TRAPPC9: variants seen among roughly 807,000 people sequenced by gnomAD.
TRAPPC9 encodes IKK2 binding protein.
In TRAPPC9, 83 loss-of-function variants were observed where a neutral mutation model predicts 124.0. The ratio of observed to expected loss-of-function variants is 0.67; its 90% CI spans 0.56 to 0.80. The LOEUF (loss-of-function observed/expected upper bound fraction) is 0.80. Ranked by LOEUF, TRAPPC9 falls within the 30% of genes least tolerant of loss-of-function variation. The probability of loss-of-function intolerance (pLI) is 0.00; values close to 1 mark genes in which losing one functional copy is unlikely to be tolerated. For missense variants in TRAPPC9, 1,302 were observed against 1,508.3 expected, an observed-to-expected ratio of 0.86 and a Z score of 2.27; for synonymous variants, 638 against 617.5, an observed-to-expected ratio of 1.03 and a Z score of -0.49.
intron 17 of TRAPPC9, among the ~76,000 whole-genome samples, chr8:140,194,963 A>C (rs1186538518): frequency 1.3e-5 from 2 of 152,026 alleles, no homozygotes; most frequent in Non-Finnish European, 2.9e-5. Context: ...CACTGTACAG[A>C]TCACACCTGT....
chr8:140,043,322 T>A (rs1229970312), intron 17 of TRAPPC9, among the ~76,000 whole-genome samples: 1 of 152,242 alleles, frequency 6.6e-6, no homozygotes, highest in African/African-American at 2.4e-5. Flanking sequence ...CAGTTTTGTT[T>A]AATCATCTTG....
At chr8:140,233,753 A>G (rs1321585454) in intron 16 of TRAPPC9, among the ~76,000 whole-genome samples, 8 of 51,274 alleles carry the variant, frequency 1.6e-4, no homozygotes, top group Non-Finnish European at 4.9e-4. Context: ...ACATTAAAAG[A>G]AAAAAAAAAA....
At chr8:140,361,696 TA>T (rs1000332874) in intron 8 of TRAPPC9, among the ~76,000 whole-genome samples, 1 of 152,212 alleles carries the variant, frequency 6.6e-6, no homozygotes, top group African/African-American at 2.4e-5. Flanking sequence ...TCCATTTTTT[TA>T]AATCCCTATT....
intron 18 of TRAPPC9, among the ~76,000 whole-genome samples, chr8:140,002,898 C>T (rs1206452197): frequency 6.1e-5 from 5 of 81,648 alleles, no homozygotes; most frequent in Non-Finnish European, 1.4e-4. Context: ...ACAATTTATA[C>T]AAAAGTTACT....
At chr8:140,064,466 C>G (rs955478000) in intron 17 of TRAPPC9, among the ~76,000 whole-genome samples, 1 of 152,176 alleles carries the variant, frequency 6.6e-6, no homozygotes, top group African/African-American at 2.4e-5. Context: ...CAGTCTTTAT[C>G]TCTACCTGAT....
intron 4 of TRAPPC9, among the ~76,000 whole-genome samples, chr8:140,428,888 G>A (rs1308317049): frequency 6.6e-6 from 1 of 152,096 alleles, no homozygotes; most frequent in African/African-American, 2.4e-5. Flanking sequence ...TCTGTGGACA[G>A]TGGCCAAGAC....
intron 2 of TRAPPC9, among the ~76,000 whole-genome samples, chr8:140,449,758 A>T (rs2071391253): frequency 6.6e-6 from 1 of 152,214 alleles, no homozygotes; most frequent in East Asian, 1.9e-4. Context: ...CAGGGTGCAC[A>T]GCCTGGCAAT....
At chr8:139,852,660 T>C (rs1039254777) in intron 21 of TRAPPC9, among the ~76,000 whole-genome samples, 6 of 152,364 alleles carry the variant, frequency 3.9e-5, no homozygotes, top group Admixed American at 2.0e-4. Flanking sequence ...AATCATGTGT[T>C]TATCTTCCAT....
At chr8:140,356,898 C>A (rs189227130) in intron 9 of TRAPPC9, among the ~76,000 whole-genome samples, 32 of 152,274 alleles carry the variant, frequency 2.1e-4, no homozygotes, top group African/African-American at 7.5e-4. Context: ...GAGTGAGCCA[C>A]CATGCCCGGC....
At chr8:140,117,000 C>G (rs920909624) in intron 17 of TRAPPC9, among the ~76,000 whole-genome samples, 3 of 151,776 alleles carry the variant, frequency 2.0e-5, no homozygotes, top group Non-Finnish European at 4.4e-5. Context: ...GCCAGAGCAT[C>G]CGGCCACAGG....
At chr8:139,968,816 T>C (rs1049357218) in intron 19 of TRAPPC9, among the ~76,000 whole-genome samples, 1 of 152,122 alleles carries the variant, frequency 6.6e-6, no homozygotes. Flanking sequence ...ACACTGAGGC[T>C]CAGAGAGGTT....
chr8:140,298,964 G>A (rs747706544), intron 11 of TRAPPC9, among the ~76,000 whole-genome samples: 3 of 152,224 alleles, frequency 2.0e-5, no homozygotes, highest in Non-Finnish European at 4.4e-5. Flanking sequence ...AGCATCAATG[G>A]GCCAGTGTGG....
intron 21 of TRAPPC9, among the ~76,000 whole-genome samples, chr8:139,778,716 T>A (rs1292750133): frequency 6.6e-6 from 1 of 151,996 alleles, no homozygotes; most frequent in African/African-American, 2.4e-5. Context: ...ATACAAACTA[T>A]CCAAAATGAA....
At chr8:139,958,858 C>A (rs1393013506) in intron 19 of TRAPPC9, among the ~76,000 whole-genome samples, 3 of 152,020 alleles carry the variant, frequency 2.0e-5, no homozygotes, top group Non-Finnish European at 4.4e-5. Context: ...GAACACATGC[C>A]AGAGATGACA....
intron 17 of TRAPPC9, among the ~76,000 whole-genome samples, chr8:140,089,454 C>T (rs537505511): frequency 2.8e-4 from 42 of 152,252 alleles, no homozygotes; most frequent in South Asian, 1.0e-3. Context: ...AATAAATAGT[C>T]CTACTACGTG....
chr8:140,140,427 T>C (rs1469607870), intron 17 of TRAPPC9, among the ~76,000 whole-genome samples: 1 of 152,086 alleles, frequency 6.6e-6, no homozygotes, highest in Non-Finnish European at 1.5e-5. Context: ...TTTCGGTGGG[T>C]TTTTTTGTTT....
intron 21 of TRAPPC9, among the ~76,000 whole-genome samples, chr8:139,789,331 GC>G (rs777143747): frequency 7.0e-4 from 107 of 152,316 alleles, no homozygotes; most frequent in Non-Finnish European, 1.2e-3. Context: ...GGTCTTCCCT[GC>G]CCACTCCTCA....
At chr8:140,289,654 C>G (rs1286360822) in intron 12 of TRAPPC9, among the ~76,000 whole-genome samples, 1 of 149,824 alleles carries the variant, frequency 6.7e-6, no homozygotes, top group African/African-American at 2.5e-5. Context: ...GTTTTTAAAC[C>G]AGATAAAAAT....
intron 17 of TRAPPC9, among the ~76,000 whole-genome samples, chr8:140,079,521 G>A (rs1020970117): frequency 3.3e-5 from 5 of 152,164 alleles, no homozygotes; most frequent in Non-Finnish European, 4.4e-5. Context: ...GGGCAGTGAA[G>A]TTTGTTCATA....
Sources: gnomAD v4.1 joint callset for allele counts (sites outside exome capture counted in the v4.1 genomes callset) on GRCh38, gnomAD v4.1.1 for gene constraint, MANE v1.5 for transcripts, NCBI Gene and HGNC (gene_info 2026-07-23, HGNC 2026-07-21) for gene names.